Variants in TXNRD1 observed in about 807,000 individuals in gnomAD.
The protein encoded by TXNRD1 is thioredoxin reductase 1.
TXNRD1 carries 57 observed loss-of-function variants against 80.3 expected under a neutral mutation model. The ratio of observed to expected loss-of-function variants is 0.71; its 90% CI spans 0.57 to 0.89. TXNRD1 has a LOEUF of 0.89. Among genes scored for constraint, TXNRD1 ranks in the 40% least tolerant of loss-of-function variants. TXNRD1 has a pLI of 0.00. For synonymous variants in TXNRD1, 291 were observed against 285.2 expected (o/e 1.02, Z -0.20); for missense variants, 730 against 803.0 (o/e 0.91, Z 1.10).
rs760775465 is a variant in TXNRD1 at position 104,315,946 on chromosome 12, C to G, written c.730+50C>G. On this transcript the variant is annotated intron_variant, in intron 7 of 16. Transcript: ENST00000525566. ...CTGTTTGTGCTTTTGGGGGTTTGAG[C>G]TGCAATTTTTGTGATGCGTCGTCCA... The G allele has an allele frequency of 3.8e-6, 6 of 1,561,370 alleles. No individual in the cohort carries two copies. In the African/African-American group the frequency reaches 8.2e-5, roughly 21 times the overall value.
At chr12:104,290,748 T>TATATATATATATATAC (rs2034169281) in intron 4 of TXNRD1, among the ~76,000 whole-genome samples, 1 of 122,644 alleles carries the variant, frequency 8.2e-6, no homozygotes, top group Non-Finnish European at 1.7e-5. Context: ...TATATATATA[T>TATATATATATATATAC]ATATATATAT....
intron 4 of TXNRD1, chr12:104,304,623 C>G: frequency 1.2e-6 from 2 of 1,613,910 alleles, no homozygotes; most frequent in South Asian, 1.1e-5. Flanking sequence ...TTGTTGCAAA[C>G]CTACTTTCGA....
chr12:104,222,892 G>C (rs1331128029), intron 1 of TXNRD1, among the ~76,000 whole-genome samples: 1 of 152,136 alleles, frequency 6.6e-6, no homozygotes, highest in Non-Finnish European at 1.5e-5. Context: ...TGGGATTATT[G>C]AGCAGAAATG....
chr12:104,296,773 A>G (rs956261260), intron 4 of TXNRD1, among the ~76,000 whole-genome samples: 2 of 152,204 alleles, frequency 1.3e-5, no homozygotes, highest in African/African-American at 4.8e-5. Context: ...ACCAAGCTCT[A>G]GGTTGTTCAG....
intron 3 of TXNRD1, among the ~76,000 whole-genome samples, chr12:104,267,703 C>CTT (rs1555209289): frequency 4.1e-4 from 4 of 9,818 alleles, no homozygotes; most frequent in Non-Finnish European, 8.7e-4. Flanking sequence ...CTTTCTTTCT[C>CTT]TCTTTCTTTC....
At chr12:104,250,784 G>A (rs983783934) in intron 1 of TXNRD1, among the ~76,000 whole-genome samples, 1 of 152,114 alleles carries the variant, frequency 6.6e-6, no homozygotes, top group East Asian at 1.9e-4. Flanking sequence ...AAGTAGTAAG[G>A]GTGGGCTTGA....
chr12:104,321,786 G>A (rs139289542), intron 10 of TXNRD1, among the ~76,000 whole-genome samples: 1,677 of 152,258 alleles, frequency 0.011, 8 homozygotes, highest in Middle Eastern at 0.027. Flanking sequence ...ATTTATTTAT[G>A]TGTGCTAACC....
At position 104,339,162 on chromosome 12, in the gene TXNRD1, A is replaced by G. The variant is rs1470214247; in HGVS notation, c.1770A>G (p.Val590=). 6.2e-7 allele frequency: 1 copy of G among 1,613,862 alleles called. No homozygotes were observed. The highest frequency in any genetic ancestry group is 8.5e-7 in the Non-Finnish European group (1 of 1,179,894). The change falls in exon 16 of 17, where the codon GTA becomes GTG. Residue 590 remains valine (V), a synonymous_variant. Transcript: ENST00000525566. ...AGGAACGTGTTGTGGGCTTTCACGT[A>G]CTGGGTCCAAATGCTGGAGAAGTTA... ...KDNERVVGFH[V]LGPNAGEVTQ... is the part of the protein sequence containing the mutation.
intron 1 of TXNRD1, among the ~76,000 whole-genome samples, chr12:104,225,214 T>C (rs1357522174): frequency 1.3e-5 from 2 of 152,210 alleles, no homozygotes; most frequent in Non-Finnish European, 2.9e-5. Context: ...CTTATTATGA[T>C]CCAGGTACTG....
At chr12:104,309,982 T>A (rs2035072232) in intron 4 of TXNRD1, 1 of 1,536,234 alleles carries the variant, frequency 6.5e-7, no homozygotes, top group Non-Finnish European at 8.7e-7. Flanking sequence ...CTCCTTCACA[T>A]TGCTCCACCG....
intron 3 of TXNRD1, among the ~76,000 whole-genome samples, chr12:104,278,495 A>T (rs577488874): frequency 9.0e-6 from 1 of 111,278 alleles, no homozygotes; most frequent in Non-Finnish European, 1.7e-5. Context: ...CATTGCGCCC[A>T]GCCTAATTTT....
At position 104,262,093 on chromosome 12, in the gene TXNRD1, A is replaced by G. The variant is rs1040956841; in HGVS notation, c.304+4014A>G. On this transcript the variant is annotated intron_variant, in intron 3 of 16. Coordinates refer to ENST00000525566, the MANE Select transcript of TXNRD1 (RefSeq NM_001093771.3). ...CTAAAAATACAAAAATTAGCCAGGC[A>G]TGGTGGTGGGCGCCTATTATCCCAG... is the stretch of plus-strand genomic sequence containing the variant. Among the ~76,000 whole-genome samples, 6 of 150,490 alleles carry G rather than the reference A, an allele frequency of 4.0e-5. No individual in the cohort carries two copies. The East Asian group carries it at 1.2e-3, about 31-fold the overall frequency.
At chr12:104,324,763 C>T (rs1445301973) in intron 10 of TXNRD1, among the ~76,000 whole-genome samples, 2 of 152,152 alleles carry the variant, frequency 1.3e-5, no homozygotes, top group Non-Finnish European at 2.9e-5. Flanking sequence ...AGGGCTTGCT[C>T]ATTTCTTTCT....
At chr12:104,312,455 A>G (rs1168859743) in intron 5 of TXNRD1, among the ~76,000 whole-genome samples, 1 of 152,212 alleles carries the variant, frequency 6.6e-6, no homozygotes, top group South Asian at 2.1e-4. Context: ...AAGCTGCCCA[A>G]ATACTGCAGA....
chr12:104,235,439 G>A (rs1390632443), intron 1 of TXNRD1, among the ~76,000 whole-genome samples: 1 of 152,120 alleles, frequency 6.6e-6, no homozygotes. Flanking sequence ...GAAAATAGAG[G>A]ACAAGCAGAA....
At chr12:104,277,043 T>C (rs2033770310) in intron 3 of TXNRD1, among the ~76,000 whole-genome samples, 1 of 150,590 alleles carries the variant, frequency 6.6e-6, no homozygotes. Context: ...AGCCCAGGAG[T>C]TTGATACCAG....
chr12:104,324,471 C>T (rs572616971), intron 10 of TXNRD1, among the ~76,000 whole-genome samples: 5 of 151,644 alleles, frequency 3.3e-5, no homozygotes, highest in Non-Finnish European at 5.9e-5. Context: ...TCTGCCTCAG[C>T]CTCCCAAGTA....
At chr12:104,251,456 C>A (rs1398244188) in intron 1 of TXNRD1, 71 bp from the exon 2 acceptor site, 2 of 1,496,206 alleles carry the variant, frequency 1.3e-6, no homozygotes, top group Admixed American at 3.9e-5. Context: ...TTAGAGTGAA[C>A]CTAATATTAG....
At position 104,325,417 on chromosome 12, in the gene TXNRD1, A is replaced by G; in HGVS notation, c.1296A>G (p.Gly432=). The G allele has an allele frequency of 1.2e-6, 2 of 1,611,198 alleles. No individual in the cohort carries two copies. The highest frequency in any genetic ancestry group is 2.2e-5 in the South Asian group (2 of 90,604). ...QSTNSEEIIE[G]EYNTVMLAIG... Reference sequence around the variant, plus strand: ...CCAATAGTGAGGAAATCATTGAAGGAGAATATAATACGGTAAGGAATGGGC... The same window carrying G: ...CCAATAGTGAGGAAATCATTGAAGGGGAATATAATACGGTAAGGAATGGGC... The change falls in exon 11 of 17, where the codon GGA becomes GGG. Residue 432 remains glycine (G), a synonymous_variant. Coordinates refer to ENST00000525566, the MANE Select transcript of TXNRD1 (RefSeq NM_001093771.3).
Sources: gnomAD v4.1 joint callset for allele counts (sites outside exome capture counted in the v4.1 genomes callset) on GRCh38, gnomAD v4.1.1 for gene constraint, MANE v1.5 for transcripts, NCBI Gene and HGNC (gene_info 2026-07-23, HGNC 2026-07-21) for gene names.